The following APLP2 variants were observed in gnomAD, a reference collection of about 807,000 sequenced individuals.
APLP2 encodes the protein amyloid beta precursor like protein 2.
In APLP2, 53 loss-of-function variants were observed where a neutral mutation model predicts 89.9. The ratio of observed to expected loss-of-function variants is 0.59; its 90% CI spans 0.47 to 0.74. The LOEUF is 0.74. Among genes scored for constraint, APLP2 ranks in the 30% least tolerant of loss-of-function variants. The probability of loss-of-function intolerance (pLI) is 0.00; values close to 1 mark genes in which losing one functional copy is unlikely to be tolerated. For missense variants in APLP2, 973 were observed against 975.9 expected (o/e 1.00, Z 0.04); for synonymous variants, 372 against 348.6 (o/e 1.07, Z -0.75).
In APLP2 at chr11:130,142,057, A is replaced by C; in HGVS notation, c.2137A>C (p.Ser713Arg). The C allele has an allele frequency of 6.2e-7, 1 of 1,613,206 alleles. No homozygotes were observed. The highest frequency in any genetic ancestry group is 1.1e-5 in the South Asian group (1 of 90,908). The change falls in exon 16 of 17, where the codon AGC (serine) becomes CGC (arginine). Residue 713 changes from serine to arginine, a missense_variant. Coordinates refer to ENST00000338167, the MANE Select transcript of APLP2 (RefSeq NM_001142276.2). Reference sequence around the variant, plus strand: ...GAGGAAGAGGCAGTATGGCACCATCAGCCACGGGATCGTGGAGGTGAGGAG... The same window carrying C: ...GAGGAAGAGGCAGTATGGCACCATCCGCCACGGGATCGTGGAGGTGAGGAG... ...MLRKRQYGTI[S>R]HGIVEVDPML...
At chr11:130,085,346 G>A (rs1237465866) in intron 1 of APLP2, among the ~76,000 whole-genome samples, 5 of 152,112 alleles carry the variant, frequency 3.3e-5, no homozygotes, top group South Asian at 2.1e-4. Context: ...CAGCTACTCC[G>A]GAGGCTGAGG....
chr11:130,119,846 A>G (rs533129503), intron 3 of APLP2, among the ~76,000 whole-genome samples: 2 of 152,340 alleles, frequency 1.3e-5, no homozygotes, highest in South Asian at 4.1e-4. Context: ...TAATGACAAT[A>G]CAGTTGTCAT....
intron 3 of APLP2, among the ~76,000 whole-genome samples, 155 bp from the exon 4 acceptor site, chr11:130,120,551 C>T (rs765453348): frequency 2.0e-5 from 3 of 152,186 alleles, no homozygotes; most frequent in Admixed American, 2.0e-4. Flanking sequence ...TAGAACTGTA[C>T]CATCCAGTCA....
At chr11:130,102,998 G>A (rs1591797556) in intron 1 of APLP2, among the ~76,000 whole-genome samples, 1 of 152,160 alleles carries the variant, frequency 6.6e-6, no homozygotes, top group African/African-American at 2.4e-5. Context: ...CAACACATGG[G>A]GCATTAATTT....
At chr11:130,114,242 T>C (rs1247213327) in intron 3 of APLP2, 1 of 152,130 alleles carries the variant, frequency 6.6e-6, no homozygotes, top group Non-Finnish European at 1.5e-5. Flanking sequence ...TTTTTTTAAC[T>C]ACAGACCAGT....
At position 130,143,624 on chromosome 11, in the gene APLP2, A is replaced by C; in HGVS notation, c.*176A>C. On this transcript the variant is annotated 3_prime_UTR_variant, in exon 17 of 17. Transcript: ENST00000338167. Reference sequence around the variant, plus strand: ...AGAACTGCAATTTCCATTCTTTTAAATGGGTGAAAAATGGTAATATAACAA... The same window carrying C: ...AGAACTGCAATTTCCATTCTTTTAACTGGGTGAAAAATGGTAATATAACAA... 1 of 580,244 alleles carries C rather than the reference A, an allele frequency of 1.7e-6. No homozygotes were observed. The highest frequency in any genetic ancestry group is 3.1e-6 in the Non-Finnish European group (1 of 324,202). 35.9% of individuals were successfully genotyped at this position (580,244 alleles called of 1,614,324 possible).
intron 1 of APLP2, among the ~76,000 whole-genome samples, chr11:130,087,661 C>T (rs1481570328): frequency 2.0e-5 from 3 of 152,082 alleles, no homozygotes; most frequent in African/African-American, 7.2e-5. Flanking sequence ...TCAAGTGAAC[C>T]AAAAACCACA....
At chr11:130,115,768 A>G (rs934402767) in intron 3 of APLP2, among the ~76,000 whole-genome samples, 1 of 152,332 alleles carries the variant, frequency 6.6e-6, no homozygotes, top group African/African-American at 2.4e-5. Context: ...TTTTTTCCCT[A>G]GGAGCTTCTG....
intron 1 of APLP2, among the ~76,000 whole-genome samples, chr11:130,097,697 T>C (rs1946394531): frequency 1.3e-5 from 2 of 152,090 alleles, no homozygotes; most frequent in African/African-American, 4.8e-5. Context: ...AACAACAAAA[T>C]ACCCACAAGA....
At position 130,123,499 on chromosome 11, in the gene APLP2, C is replaced by T. The variant is rs191400765; in HGVS notation, c.923-113C>T. On this transcript the variant is annotated intron_variant, in intron 6 of 16. Coordinates refer to ENST00000338167, the MANE Select transcript of APLP2 (RefSeq NM_001142276.2). The surrounding 1 kb of genome is among the most constrained non-coding windows in gnomAD (Gnocchi z 4.0). The stretch of plus-strand genomic sequence containing the variant: ...TTTCGGCCACCGGGCCTCCAGGCTC[C>T]GTCCAGTCTCAGGCCTCCCCCAGCC... 265 of 1,181,176 alleles carry T rather than the reference C, an allele frequency of 2.2e-4. 3 individuals are homozygous for T. In the East Asian group the frequency reaches 3.9e-3, roughly 18 times the overall value. 73.2% of individuals were successfully genotyped at this position (1,181,176 alleles called of 1,614,324 possible).
At chr11:130,117,983 A>G (rs1386830426) in intron 3 of APLP2, among the ~76,000 whole-genome samples, 2 of 151,822 alleles carry the variant, frequency 1.3e-5, no homozygotes, top group African/African-American at 4.8e-5. Context: ...AGGCTGAGGC[A>G]GGAGAATCAC....
chr11:130,095,548 G>T (rs1473802239), intron 1 of APLP2, among the ~76,000 whole-genome samples: 1 of 152,186 alleles, frequency 6.6e-6, no homozygotes. Flanking sequence ...CAGGTGGAAG[G>T]CCTGATAGCT....
chr11:130,121,847 C>T (rs981203966), intron 5 of APLP2, 37 bp downstream of exon 5: 1 of 1,591,284 alleles, frequency 6.3e-7, no homozygotes, highest in South Asian at 1.1e-5. Context: ...GTCGTTTTGC[C>T]TTTTTGTTAG....
At position 130,120,798 on chromosome 11, in the gene APLP2, T is replaced by C; in HGVS notation, c.496T>C (p.Trp166Arg). 6.2e-7 allele frequency: 1 copy of C among 1,613,752 alleles called. No homozygotes were observed. The highest frequency in any genetic ancestry group is 8.5e-7 in the Non-Finnish European group (1 of 1,179,730). ...RMEVCENHQH[W>R]HTVVKEACLT... is the part of the protein sequence containing the mutation. ...GGAGGTGTGTGAGAATCACCAGCACTGGCACACGGTAGTCAAAGAGGTAAG... is the reference window on the plus strand; with the variant it reads ...GGAGGTGTGTGAGAATCACCAGCACCGGCACACGGTAGTCAAAGAGGTAAG... Residue 166 changes from tryptophan to arginine, a missense_variant, in exon 4 of 17, where the codon TGG becomes CGG. Coordinates refer to ENST00000338167, the MANE Select transcript of APLP2 (RefSeq NM_001142276.2).
Position 130,122,500 on chromosome 11 carries a change from T to C in APLP2, c.909T>C (p.Thr303=). Residue 303 remains threonine (T), a synonymous_variant, in exon 6 of 17, where the codon ACT becomes ACC. Coordinates refer to ENST00000338167, the MANE Select transcript of APLP2 (RefSeq NM_001142276.2). ...GCACCATGTCAGACAAGGAAATTAC[T>C]CATGATGTCAAAGGTAACCCCATGT... ...SDGTMSDKEI[T]HDVKAVCSQE... 2 of 1,614,038 alleles carry C rather than the reference T, an allele frequency of 1.2e-6. No individual in the cohort carries two copies. Among genetic ancestry groups the C allele is most frequent in the Non-Finnish European group, 1.7e-6 (2 of 1,179,890 alleles).
intron 3 of APLP2, among the ~76,000 whole-genome samples, chr11:130,118,754 C>G (rs1006916503): frequency 2.6e-5 from 4 of 152,184 alleles, no homozygotes; most frequent in African/African-American, 9.6e-5. Context: ...ATTGCTAAAG[C>G]CTGTTTGCAG....
chr11:130,140,515 T>G (rs949221735), intron 14 of APLP2, 32 bp downstream of exon 14: 9 of 1,561,198 alleles, frequency 5.8e-6, no homozygotes, highest in Middle Eastern at 3.4e-4. Context: ...CCCAACACGC[T>G]TTACTTTTGA....
intron 1 of APLP2, among the ~76,000 whole-genome samples, chr11:130,094,583 G>T (rs753283642): frequency 6.6e-6 from 1 of 152,226 alleles, no homozygotes. Context: ...AAAGCTAGAA[G>T]ACCTCAAATT....
intron 3 of APLP2, among the ~76,000 whole-genome samples, chr11:130,118,409 C>T (rs1159321128): frequency 6.6e-6 from 1 of 152,152 alleles, no homozygotes; most frequent in East Asian, 1.9e-4. Context: ...ATTTAGTCCC[C>T]ACAAGATAAA....
Sources: gnomAD v4.1 joint callset for allele counts (sites outside exome capture counted in the v4.1 genomes callset) on GRCh38, gnomAD v4.1.1 for gene constraint, Gnocchi (gnomAD v3.1) non-coding constraint, MANE v1.5 for transcripts, NCBI Gene and HGNC (gene_info 2026-07-23, HGNC 2026-07-21) for gene names.